FAAH2: variants seen among roughly 807,000 people sequenced by gnomAD.
FAAH2 encodes the protein fatty-acid amide hydrolase 2.
Under a neutral mutation model 36.9 loss-of-function variants are expected in FAAH2, and 60 were observed. That is an observed-to-expected ratio of 1.63 (90% CI 1.32 to 2.02). The LOEUF (loss-of-function observed/expected upper bound fraction) is 2.02. Ranked by LOEUF, FAAH2 falls within the 30% of genes most tolerant of loss-of-function variation. FAAH2 has a pLI of 0.00. For missense variants in FAAH2, 689 were observed against 397.5 expected (o/e 1.73, Z -6.23); for synonymous variants, 214 against 143.8 (o/e 1.49, Z -3.49).
chrX:57,331,983 C>G (rs1270109751), intron 4 of FAAH2, among the ~76,000 whole-genome samples, 176 bp downstream of exon 4: 1 of 111,668 alleles, frequency 9.0e-6, no homozygotes, highest in African/African-American at 3.3e-5. Flanking sequence ...CCTTGGTCAA[C>G]TCTGATATTT....
chrX:57,154,429 AT>A, the FAAH2 span, among the ~76,000 whole-genome samples: 1,076 of 99,275 alleles, frequency 0.011, 6 homozygotes, highest in African/African-American at 0.013. Flanking sequence ...ATGCCTGGCG[AT>A]TTTTTTTTTT....
intron 5 of FAAH2, among the ~76,000 whole-genome samples, chrX:57,352,100 ATATATATGTGTATATATATG>A: frequency 4.4e-4 from 1 of 2,262 alleles, no homozygotes; most frequent in East Asian, 0.03. Flanking sequence ...ATGCACATAT[ATATATATGTGTATATATATG>A]CACATATATA....
chrX:57,457,414 A>G (rs12556313), intron 10 of FAAH2, among the ~76,000 whole-genome samples: 40,578 of 108,927 alleles, frequency 0.37, 6,454 homozygotes, highest in Middle Eastern at 0.63. Context: ...CACTTTCACC[A>G]CTCCTATTCA....
the FAAH2 span, among the ~76,000 whole-genome samples, chrX:57,156,951 C>T: frequency 8.9e-6 from 1 of 112,296 alleles, no homozygotes; most frequent in South Asian, 3.7e-4. Context: ...ACATTTTAGT[C>T]TGTAGATGGC....
At chrX:57,405,672 T>TA (rs1391281251) in intron 7 of FAAH2, among the ~76,000 whole-genome samples, 1 of 103,453 alleles carries the variant, frequency 9.7e-6, no homozygotes, top group African/African-American at 3.6e-5. Flanking sequence ...TTTAATTTTT[T>TA]AAAAAAATTT....
intron 7 of FAAH2, among the ~76,000 whole-genome samples, chrX:57,419,659 T>G (rs1303254891): frequency 9.0e-6 from 1 of 111,702 alleles, no homozygotes; most frequent in Non-Finnish European, 1.9e-5. Flanking sequence ...TTTCTCCCAA[T>G]TTGTAGGTTG....
the FAAH2 span, among the ~76,000 whole-genome samples, chrX:57,168,739 C>T: frequency 8.0e-5 from 9 of 112,018 alleles, no homozygotes; most frequent in Non-Finnish European, 1.5e-4. Flanking sequence ...GCAGGCTCCA[C>T]TCATCTTCAA....
the FAAH2 span, among the ~76,000 whole-genome samples, chrX:57,158,619 T>C: frequency 6.2e-5 from 7 of 112,600 alleles, no homozygotes; most frequent in Non-Finnish European, 9.4e-5. Flanking sequence ...CACTTTTTAA[T>C]GTGTCTGTTG....
At chrX:57,233,737 T>C in the FAAH2 span, among the ~76,000 whole-genome samples, 37 of 113,050 alleles carry the variant, frequency 3.3e-4, no homozygotes, top group Non-Finnish European at 9.4e-5. Context: ...ACTCCTGGAC[T>C]CAAGTGATTC....
rs1218617071 is a variant in FAAH2 at position 57,431,771 on chromosome X, G to GTTTTTTTTTTTTTTTTTTTTT, written c.997-140_997-139insTTTTTTTTTTTTTTTTTTTTT. On this transcript the variant is annotated intron_variant, in intron 7 of 10. Transcript: ENST00000374900. ...TGTTTTGTTTTGTTTTTGTTTTTTT[G>GTTTTTTTTTTTTTTTTTTTTT]TTTTTTTGTTTTTTTGTTTTTTTTG... 2.0e-5 allele frequency: 4 copies of GTTTTTTTTTTTTTTTTTTTTT among 202,036 alleles called. No homozygotes were observed. In the African/African-American group the frequency reaches 2.0e-4, roughly 10 times the overall value. The allele number at this position is 202,036 out of a possible 1,213,427, so 16.7% of individuals were successfully genotyped here. A position where few individuals can be genotyped will look rare whatever the true frequency, so the allele number is the denominator to read the frequency against.
At chrX:57,487,498 C>G (rs193212199) in intron 10 of FAAH2, among the ~76,000 whole-genome samples, 1 of 111,702 alleles carries the variant, frequency 9.0e-6, no homozygotes, top group Admixed American at 9.5e-5. Flanking sequence ...AGAAAACATA[C>G]TAATTGCCCA....
intron 3 of FAAH2, among the ~76,000 whole-genome samples, chrX:57,322,836 CT>C (rs1162456509): frequency 9.2e-6 from 1 of 108,306 alleles, no homozygotes; most frequent in Non-Finnish European, 1.9e-5. Context: ...TTTTGTTTTC[CT>C]TTTTTTTAAT....
chrX:57,184,219 G>C, the FAAH2 span, among the ~76,000 whole-genome samples: 1 of 111,653 alleles, frequency 9.0e-6, no homozygotes, highest in African/African-American at 3.3e-5. Flanking sequence ...TTTGCCTTTT[G>C]TCCTGTTCCC....
At chrX:57,423,601 C>T (rs1442044485) in intron 7 of FAAH2, among the ~76,000 whole-genome samples, 2 of 111,664 alleles carry the variant, frequency 1.8e-5, no homozygotes, top group South Asian at 3.7e-4. Context: ...TTCAAAGCTG[C>T]CCCTTTCTTC....
At chrX:57,273,608 C>A in the FAAH2 span, among the ~76,000 whole-genome samples, 1 of 111,795 alleles carries the variant, frequency 8.9e-6, no homozygotes, top group African/African-American at 3.2e-5. Context: ...TAAAGAAACT[C>A]ACTGAAAACC....
intron 2 of FAAH2, 124 bp from the exon 3 acceptor site, chrX:57,310,469 C>G (rs2052661344): frequency 2.5e-6 from 2 of 789,104 alleles, no homozygotes; most frequent in Non-Finnish European, 3.5e-6. Context: ...TTATAAGGCT[C>G]TTGACAAGTA....
Position 57,465,316 on chromosome X carries a change from A to G in FAAH2, c.1423+16598A>G, listed in dbSNP as rs996923860. ...GAGAATTCCAGAACGGGAGATGAGT[A>G]AGAAAAGATGAATCAAAAAAAGTTT... is the stretch of plus-strand genomic sequence containing the variant. On this transcript the variant is annotated intron_variant, in intron 10 of 10. Coordinates refer to ENST00000374900, the MANE Select transcript of FAAH2 (RefSeq NM_174912.4). Among the ~76,000 whole-genome samples, 8 of 111,738 alleles carry G rather than the reference A, an allele frequency of 7.2e-5. No homozygotes were observed. In the Admixed American group the frequency reaches 7.7e-4, roughly 11 times the overall value.
chrX:57,469,955 C>T (rs992801150), intron 10 of FAAH2, among the ~76,000 whole-genome samples: 2 of 111,727 alleles, frequency 1.8e-5, no homozygotes, highest in Admixed American at 9.6e-5. Flanking sequence ...TCACTCAAAA[C>T]CACTCAGCTA....
At chrX:57,232,705 T>A in the FAAH2 span, among the ~76,000 whole-genome samples, 1 of 112,340 alleles carries the variant, frequency 8.9e-6, no homozygotes, top group African/African-American at 3.2e-5. Context: ...ATTACTGTTA[T>A]AACTGGTCTA....
Sources: gnomAD v4.1 joint callset for allele counts (sites outside exome capture counted in the v4.1 genomes callset) on GRCh38, gnomAD v4.1.1 for gene constraint, MANE v1.5 for transcripts, NCBI Gene and HGNC (gene_info 2026-07-23, HGNC 2026-07-21) for gene names.